The following COL5A3 variants were observed in gnomAD, a reference collection of about 807,000 sequenced individuals.
COL5A3 encodes the protein collagen alpha-3(V) chain.
A neutral mutation model predicts 250.0 loss-of-function variants in COL5A3; 172 were observed. The observed-to-expected ratio is 0.69, with a 90% confidence interval of 0.61 to 0.78. COL5A3 has a LOEUF of 0.78. Ranked by LOEUF, COL5A3 falls within the 30% of genes least tolerant of loss-of-function variation. The probability of loss-of-function intolerance (pLI) is 0.00; values close to 1 mark genes in which losing one functional copy is unlikely to be tolerated. For missense variants in COL5A3, 2,340 were observed against 2,334.4 expected (o/e 1.00, Z -0.05); for synonymous variants, 937 against 900.4 (o/e 1.04, Z -0.73).
chr19:9,965,150 CTTTTTCTT>C (rs1458279892), intron 64 of COL5A3, among the ~76,000 whole-genome samples: 11 of 137,654 alleles, frequency 8.0e-5, no homozygotes, highest in Non-Finnish European at 1.1e-4. Flanking sequence ...TTTTTCTTTT[CTTTTTCTT>C]TTTTTTTTTT....
chr19:9,970,576 G>A (rs948421810), intron 54 of COL5A3, 46 bp downstream of exon 54: 9 of 1,307,842 alleles, frequency 6.9e-6, no homozygotes, highest in African/African-American at 1.5e-5. Flanking sequence ...AAGGTGAGTG[G>A]GGGCTGTAGA....
At chr19:9,970,145 G>GA (rs1266918857) in intron 54 of COL5A3, among the ~76,000 whole-genome samples, 1 of 87,814 alleles carries the variant, frequency 1.1e-5, no homozygotes, top group African/African-American at 4.9e-5. Flanking sequence ...GGAGGCTGTG[G>GA]GTGAGTGGGG....
chr19:9,960,716 C>T lies in COL5A3; in HGVS notation c.5026G>A (p.Gly1676Arg). 1 of 1,614,068 alleles carries T rather than the reference C, an allele frequency of 6.2e-7. No homozygotes were observed. Among genetic ancestry groups the T allele is most frequent in the Non-Finnish European group, 8.5e-7 (1 of 1,180,022 alleles). ...SHSARFLGTNGEELSFNQTTA... is the reference protein window; with the variant it reads ...SHSARFLGTNREELSFNQTTA... Reference sequence around the variant, plus strand: ...GTCTGGTTGAAAGACAGCTCCTCTCCATTGGTGCCAAGGAAGCGGGCGGAG... The same window carrying T: ...GTCTGGTTGAAAGACAGCTCCTCTCTATTGGTGCCAAGGAAGCGGGCGGAG... Residue 1676 changes from glycine (G) to arginine (R), a missense_variant, in exon 66 of 67, where the codon GGA (glycine) becomes AGA (arginine). Around this residue, in one of 3 missense-constraint regions of COL5A3, gnomAD observed 1,179 missense variants for 1,162.6 expected, o/e 1.01. Coordinates refer to ENST00000264828, the MANE Select transcript of COL5A3 (RefSeq NM_015719.4).
At chr19:9,996,839 AAG>A (rs1418622799) in intron 11 of COL5A3, 150 bp from the exon 12 acceptor site, 4 of 618,012 alleles carry the variant, frequency 6.5e-6, no homozygotes, top group Middle Eastern at 4.2e-4. Flanking sequence ...ATGGCAAGGA[AAG>A]AGAGAGAAGT....
chr19:10,002,296 AGG>A (rs2087375424), intron 6 of COL5A3, among the ~76,000 whole-genome samples: 1 of 95,390 alleles, frequency 1.0e-5, no homozygotes, highest in East Asian at 2.9e-4. Context: ...GTGTGGGAAG[AGG>A]GTGGTGGGGT....
chr19:9,968,282 C>T lies in COL5A3; in HGVS notation c.4314+103G>A. 1 of 1,087,358 alleles carries T rather than the reference C, an allele frequency of 9.2e-7. No homozygotes were observed. Among genetic ancestry groups the T allele is most frequent in the Non-Finnish European group, 1.4e-6 (1 of 731,192 alleles). 67.4% of individuals were successfully genotyped at this position (1,087,358 alleles called of 1,614,324 possible). On this transcript the variant is annotated intron_variant, in intron 59 of 66. Transcript: ENST00000264828. The surrounding 1 kb of genome is among the most constrained non-coding windows in gnomAD (Gnocchi z 4.1). The stretch of plus-strand genomic sequence containing the variant: ...CATCCCCCTATTTTCCCCACACACA[C>T]CCTCATTAATCCAGACCCACGTTTC...
rs1172294586 is a variant in COL5A3 at position 9,970,750 on chromosome 19, C to G, written c.3883-75G>C. 16 of 1,229,692 alleles carry G rather than the reference C, an allele frequency of 1.3e-5. 1 individual carries two copies. Among genetic ancestry groups the G allele is most frequent in the Non-Finnish European group, 1.5e-5 (14 of 927,500 alleles). 76.2% of individuals were successfully genotyped at this position (1,229,692 alleles called of 1,614,324 possible). On this transcript the variant is annotated intron_variant, in intron 53 of 66. Coordinates refer to ENST00000264828, the MANE Select transcript of COL5A3 (RefSeq NM_015719.4). ...CCTGACTGTTTTAGGACGCCTTGGACCAGAGGACACCCTTCCCCAAGCCTC... is the reference window on the plus strand; with the variant it reads ...CCTGACTGTTTTAGGACGCCTTGGAGCAGAGGACACCCTTCCCCAAGCCTC...
chr19:9,965,680 T>C (rs1177797348), intron 64 of COL5A3, among the ~76,000 whole-genome samples: 2 of 145,008 alleles, frequency 1.4e-5, no homozygotes, highest in African/African-American at 2.5e-5. Context: ...CTCGAACTCC[T>C]GACCTCAGGT....
chr19:9,967,994 C>T (rs755405036), intron 60 of COL5A3, 32 bp downstream of exon 60: 2 of 1,596,720 alleles, frequency 1.3e-6, no homozygotes, highest in Non-Finnish European at 1.7e-6. Context: ...CCACAGTGAC[C>T]TCATCCCACA....
chr19:9,995,069 G>C (rs1046290870), intron 16 of COL5A3, among the ~76,000 whole-genome samples: 3 of 151,958 alleles, frequency 2.0e-5, no homozygotes, highest in Non-Finnish European at 1.5e-5. Context: ...TGCCATGCCC[G>C]GCTAATTTTT....
At position 9,992,092 on chromosome 19, in the gene COL5A3, G is replaced by A. The variant is rs780380556; in HGVS notation, c.1849-44C>T. The A allele has an allele frequency of 8.9e-6, 14 of 1,579,320 alleles. No individual in the cohort carries two copies. The East Asian group carries it at 2.0e-4, about 23-fold the overall frequency. On this transcript the variant is annotated intron_variant, in intron 21 of 66. Coordinates refer to ENST00000264828, the MANE Select transcript of COL5A3 (RefSeq NM_015719.4). The stretch of plus-strand genomic sequence containing the variant: ...TGAGACCAAGACAGAGCAACAAGCT[G>A]GGAGCCTGAGTCTGAGACACCGAGA...
intron 5 of COL5A3, 136 bp downstream of exon 5, chr19:10,003,905 G>T: frequency 2.0e-6 from 2 of 1,003,036 alleles, no homozygotes; most frequent in Middle Eastern, 2.1e-4. Context: ...AGTCATTCAT[G>T]CCTGGGATGT....
chr19:9,982,117 C>G lies in COL5A3; in HGVS notation c.2408G>C (p.Gly803Ala), dbSNP rs1324053339. 1 of 1,597,762 alleles carries G rather than the reference C, an allele frequency of 6.3e-7. No individual in the cohort carries two copies. Among genetic ancestry groups the G allele is most frequent in the Non-Finnish European group, 8.5e-7 (1 of 1,172,380 alleles). ...CAGGGGACCGGGAAATCCAATAGATCCCTGAGTGGAGAGAATTAGAAAGAA... is the reference window on the plus strand; with the variant it reads ...CAGGGGACCGGGAAATCCAATAGATGCCTGAGTGGAGAGAATTAGAAAGAA... Reference protein sequence around the residue: ...PGYPGRPGPKGSIGFPGPLGP... With the variant: ...PGYPGRPGPKASIGFPGPLGP... The change falls in exon 32 of 67, where the codon GGA becomes GCA. Residue 803 changes from glycine (G) to alanine (A), a missense_variant and splice_region_variant. By Grantham distance (60) the Gly-to-Ala change is moderately conservative (BLOSUM62 0). Coordinates refer to ENST00000264828, the MANE Select transcript of COL5A3 (RefSeq NM_015719.4).
intron 35 of COL5A3, 116 bp downstream of exon 35, chr19:9,980,532 G>A: frequency 7.0e-7 from 1 of 1,431,500 alleles, no homozygotes. Context: ...CAATTAAGCT[G>A]TGCTCTTACC....
rs1427591309 is a variant in COL5A3, at chr19:9,989,320, A to C, written c.2091+2T>G. On this transcript the variant is annotated splice_donor_variant, in intron 26 of 66. Transcript: ENST00000264828. LOFTEE classifies it high-confidence loss of function. Reference sequence around the variant, plus strand: ...ACCCAGCCTAACCTCCTGGTCACTCACCTGAGCCCCTTTCTCTCCCGTGGG... The same window carrying C: ...ACCCAGCCTAACCTCCTGGTCACTCCCCTGAGCCCCTTTCTCTCCCGTGGG... 2.5e-6 allele frequency: 4 copies of C among 1,614,042 alleles called. No homozygotes were observed. Among genetic ancestry groups the C allele is most frequent in the Non-Finnish European group, 3.4e-6 (4 of 1,179,986 alleles).
Position 9,968,848 on chromosome 19 carries a change from G to T in COL5A3, c.4153-120C>A. 1 of 890,560 alleles carries T rather than the reference G, an allele frequency of 1.1e-6. No homozygotes were observed. Among genetic ancestry groups the T allele is most frequent in the Non-Finnish European group, 1.8e-6 (1 of 565,950 alleles). The allele number at this position is 890,560 out of a possible 1,614,324, so 55.2% of individuals were successfully genotyped here. The stretch of plus-strand genomic sequence containing the variant: ...ATTTCAAATGGGAATTACCAGGGAT[G>T]AGGTCAAGGGATGGTCAGAGTAGGC... On this transcript the variant is annotated intron_variant, in intron 57 of 66. Coordinates refer to ENST00000264828, the MANE Select transcript of COL5A3 (RefSeq NM_015719.4). The surrounding 1 kb of genome is among the most constrained non-coding windows in gnomAD (Gnocchi z 4.1).
At chr19:10,000,190 G>A (rs1355286594) in intron 8 of COL5A3, among the ~76,000 whole-genome samples, 1 of 152,050 alleles carries the variant, frequency 6.6e-6, no homozygotes, top group Non-Finnish European at 1.5e-5. Flanking sequence ...GCTGTCTCTT[G>A]GAATAAACCT....
chr19:9,992,993 G>A (rs1244352737), intron 20 of COL5A3, 30 bp downstream of exon 20: 1 of 1,612,250 alleles, frequency 6.2e-7, no homozygotes, highest in Non-Finnish European at 8.5e-7. Context: ...CCTGCACCAA[G>A]CAAGGGGCCC....
intron 13 of COL5A3, 38 bp from the exon 14 acceptor site, chr19:9,996,300 C>T: frequency 1.9e-6 from 3 of 1,547,962 alleles, no homozygotes; most frequent in Non-Finnish European, 2.6e-6. Context: ...GGGCCTCCCA[C>T]AAGACCCCCA....
Sources: allele counts gnomAD v4.1 joint callset (sites outside exome capture counted in the v4.1 genomes callset), GRCh38; gene constraint gnomAD v4.1.1; regional missense constraint gnomAD v4.1.1; non-coding constraint Gnocchi (gnomAD v3.1); transcripts MANE v1.5; gene names NCBI Gene and HGNC (gene_info 2026-07-23, HGNC 2026-07-21).